The following SMAP1 variants were observed in gnomAD, a reference collection of about 807,000 sequenced individuals.
The protein encoded by SMAP1 is stromal membrane-associated protein 1.
In SMAP1, 24 loss-of-function variants were observed where a neutral mutation model predicts 58.5. The ratio of observed to expected loss-of-function variants is 0.41; its 90% CI spans 0.30 to 0.58. The LOEUF is 0.58. Among genes scored for constraint, SMAP1 ranks in the 20% least tolerant of loss-of-function variants. The probability of loss-of-function intolerance (pLI) is 0.29; values close to 1 mark genes in which losing one functional copy is unlikely to be tolerated. For missense variants in SMAP1, 563 were observed against 566.3 expected (o/e 0.99, Z 0.06); for synonymous variants, 216 against 196.6 (o/e 1.10, Z -0.82).
intron 7 of SMAP1, among the ~76,000 whole-genome samples, chr6:70,844,680 A>G (rs931518935): frequency 1.3e-5 from 2 of 152,364 alleles, no homozygotes; most frequent in Middle Eastern, 6.8e-3. Flanking sequence ...AAACAAATTG[A>G]AAACAACTTA....
At chr6:70,857,081 T>G (rs1420743626) in intron 9 of SMAP1, 51 bp downstream of exon 9, 1 of 1,488,186 alleles carries the variant, frequency 6.7e-7, no homozygotes, top group Non-Finnish European at 9.0e-7. Flanking sequence ...AGTACATCCT[T>G]TGTAATTATA....
intron 2 of SMAP1, among the ~76,000 whole-genome samples, chr6:70,736,082 A>G (rs1765606725): frequency 1.3e-5 from 2 of 152,148 alleles, no homozygotes; most frequent in African/African-American, 4.8e-5. Context: ...AACTGATATT[A>G]TATGTACCAT....
chr6:70,830,861 T>G (rs1430191314), intron 6 of SMAP1, among the ~76,000 whole-genome samples: 1 of 152,214 alleles, frequency 6.6e-6, no homozygotes, highest in East Asian at 1.9e-4. Flanking sequence ...CTGTAGAAAC[T>G]AAGTAGACTT....
intron 3 of SMAP1, among the ~76,000 whole-genome samples, chr6:70,763,127 T>C (rs1216013280): frequency 6.7e-6 from 1 of 149,068 alleles, no homozygotes; most frequent in East Asian, 1.9e-4. Context: ...TTTTTTTTTT[T>C]TTTACGAATT....
intron 7 of SMAP1, chr6:70,838,028 C>T: frequency 1.3e-6 from 1 of 749,664 alleles, no homozygotes; most frequent in Non-Finnish European, 1.6e-6. Context: ...TAAAAAATAA[C>T]TGTAATTTTG....
chr6:70,680,993 C>T (rs771070147), intron 1 of SMAP1, among the ~76,000 whole-genome samples: 3 of 151,798 alleles, frequency 2.0e-5, no homozygotes, highest in Admixed American at 2.0e-4. Context: ...GCTGGGATTA[C>T]GGTTGTGAGC....
At chr6:70,803,596 A>G (rs924887038) in intron 6 of SMAP1, among the ~76,000 whole-genome samples, 3 of 152,082 alleles carry the variant, frequency 2.0e-5, no homozygotes, top group African/African-American at 4.8e-5. Context: ...TAGGGTGTCA[A>G]TTTTAGACCT....
Position 70,835,836 on chromosome 6 carries a change from G to A in SMAP1, c.577-1105G>A, listed in dbSNP as rs183395094. On this transcript the variant is annotated intron_variant, in intron 6 of 10. Coordinates refer to ENST00000370455, the MANE Select transcript of SMAP1 (RefSeq NM_001044305.3). ...GTTTTATTTTCTTAGTTTATTAGAA[G>A]TAGGCTTTAGAATTGATAATCCAGT... Among the ~76,000 whole-genome samples the A allele has an allele frequency of 7.2e-5, 11 of 152,282 alleles. No individual in the cohort carries two copies. In the East Asian group the frequency reaches 1.9e-3, roughly 27 times the overall value.
chr6:70,732,331 T>G (rs1480564032), intron 1 of SMAP1, 47 bp from the exon 2 acceptor site: 1 of 1,569,902 alleles, frequency 6.4e-7, no homozygotes, highest in Non-Finnish European at 8.6e-7. Context: ...ATGTTTATTT[T>G]TGTTTTTAAC....
intron 4 of SMAP1, among the ~76,000 whole-genome samples, chr6:70,785,628 C>T (rs1361306193): frequency 6.6e-5 from 10 of 152,152 alleles, no homozygotes; most frequent in East Asian, 3.9e-4. Flanking sequence ...ATATCACCAC[C>T]GATCCCACAG....
intron 1 of SMAP1, among the ~76,000 whole-genome samples, chr6:70,731,706 T>C (rs1765438296): frequency 1.3e-5 from 2 of 152,276 alleles, no homozygotes; most frequent in African/African-American, 2.4e-5. Flanking sequence ...GTCAGTGTTA[T>C]ATTTGAGATT....
At chr6:70,764,637 C>G (rs995054052) in intron 3 of SMAP1, among the ~76,000 whole-genome samples, 9 of 152,170 alleles carry the variant, frequency 5.9e-5, no homozygotes, top group African/African-American at 2.2e-4. Flanking sequence ...CCGTTGAGAC[C>G]TGCTGCTCAG....
chr6:70,683,891 G>C (rs1163283328), intron 1 of SMAP1, among the ~76,000 whole-genome samples: 2 of 152,184 alleles, frequency 1.3e-5, no homozygotes, highest in Non-Finnish European at 2.9e-5. Context: ...CAGGTCTTCT[G>C]GAAATCTGTC....
rs539798322 is a variant in SMAP1, at chr6:70,744,335, C to G, written c.253-10645C>G. On this transcript the variant is annotated intron_variant, in intron 2 of 10. Coordinates refer to ENST00000370455, the MANE Select transcript of SMAP1 (RefSeq NM_001044305.3). Reference sequence around the variant, plus strand: ...GCTAACCCTCCCCCAGCCCCACACCCCCGATAGGCCCCGGTGTGTGATGTT... The same window carrying G: ...GCTAACCCTCCCCCAGCCCCACACCGCCGATAGGCCCCGGTGTGTGATGTT... Among the ~76,000 whole-genome samples, 4 of 152,226 alleles carry G rather than the reference C, an allele frequency of 2.6e-5. No homozygotes were observed. The East Asian group carries it at 7.7e-4, about 29-fold the overall frequency.
chr6:70,701,606 AT>A (rs1037820763), intron 1 of SMAP1, among the ~76,000 whole-genome samples: 1 of 152,078 alleles, frequency 6.6e-6, no homozygotes, highest in African/African-American at 2.4e-5. Flanking sequence ...GCCCCAGCTG[AT>A]TTCTGCCCTG....
At chr6:70,783,641 A>C (rs1168431866) in intron 4 of SMAP1, among the ~76,000 whole-genome samples, 4 of 152,258 alleles carry the variant, frequency 2.6e-5, no homozygotes, top group African/African-American at 9.6e-5. Flanking sequence ...AGGCTCAAGA[A>C]CTACATGAAG....
chr6:70,745,290 G>A (rs955708387), intron 2 of SMAP1, among the ~76,000 whole-genome samples: 89 of 152,074 alleles, frequency 5.9e-4, no homozygotes, highest in African/African-American at 2.1e-3. Flanking sequence ...TTTCTTATAG[G>A]GTTTTTATGG....
At chr6:70,733,624 T>C (rs1192915871) in intron 2 of SMAP1, among the ~76,000 whole-genome samples, 1 of 152,114 alleles carries the variant, frequency 6.6e-6, no homozygotes, top group African/African-American at 2.4e-5. Context: ...GATTCTCCCA[T>C]GTCAGCCTTC....
intron 4 of SMAP1, among the ~76,000 whole-genome samples, chr6:70,783,023 G>A (rs1323883630): frequency 1.3e-5 from 2 of 152,148 alleles, no homozygotes; most frequent in East Asian, 3.9e-4. Flanking sequence ...AGCCTAACTG[G>A]GAGGCATCCC....
Sources: gnomAD v4.1 joint callset for allele counts (sites outside exome capture counted in the v4.1 genomes callset) on GRCh38, gnomAD v4.1.1 for gene constraint, MANE v1.5 for transcripts, NCBI Gene and HGNC (gene_info 2026-07-23, HGNC 2026-07-21) for gene names.